Variants in CFAP58 observed in about 807,000 individuals in gnomAD.
The protein encoded by CFAP58 is cilia- and flagella-associated protein 58.
Under a neutral mutation model 119.5 loss-of-function variants are expected in CFAP58, and 88 were observed. That is an observed-to-expected ratio of 0.74 (90% CI 0.62 to 0.88). CFAP58 has a LOEUF of 0.88. CFAP58 is among the 40% of genes least tolerant of loss of function. The probability of loss-of-function intolerance (pLI) is 0.00; values close to 1 mark genes in which losing one functional copy is unlikely to be tolerated. For synonymous variants in CFAP58, 365 were observed against 366.3 expected (o/e 1.00, Z 0.04); for missense variants, 990 against 1,021.2 (o/e 0.97, Z 0.42).
intron 9 of CFAP58, among the ~76,000 whole-genome samples, chr10:104,381,827 T>A (rs1224715245): frequency 2.0e-5 from 3 of 152,042 alleles, no homozygotes; most frequent in African/African-American, 7.2e-5. Flanking sequence ...AGGACAGTGA[T>A]CCCCAATGGA....
chr10:104,352,991 A>G (rs369462513), upstream of CFAP58: 1 of 152,224 alleles, frequency 6.6e-6, no homozygotes, highest in East Asian at 1.9e-4. Flanking sequence ...GCACAGCAGC[A>G]TGAATGCCTA....
chr10:104,439,905 C>T (rs1366784250), intron 15 of CFAP58, among the ~76,000 whole-genome samples: 3 of 152,162 alleles, frequency 2.0e-5, no homozygotes, highest in Non-Finnish European at 2.9e-5. Context: ...CTGCAAGCTC[C>T]GCCTTCCGGG....
At chr10:104,391,493 A>C (rs751794921) in intron 9 of CFAP58, among the ~76,000 whole-genome samples, 2 of 152,130 alleles carry the variant, frequency 1.3e-5, no homozygotes, top group African/African-American at 2.4e-5. Flanking sequence ...TTTTCTTCTT[A>C]AGGACTTTTT....
At chr10:104,413,180 TC>T (rs1265905105) in intron 15 of CFAP58, among the ~76,000 whole-genome samples, 1 of 152,268 alleles carries the variant, frequency 6.6e-6, no homozygotes, top group Non-Finnish European at 1.5e-5. Context: ...TGTTGCACAG[TC>T]ATTTAAGTTC....
the CFAP58 span, among the ~76,000 whole-genome samples, chr10:104,348,288 A>G: frequency 6.6e-6 from 1 of 152,282 alleles, no homozygotes; most frequent in Admixed American, 6.5e-5. Flanking sequence ...CAGGCTAGGA[A>G]TTTACATGTA....
intron 9 of CFAP58, among the ~76,000 whole-genome samples, chr10:104,385,470 G>A (rs1467320237): frequency 6.6e-6 from 1 of 152,122 alleles, no homozygotes; most frequent in African/African-American, 2.4e-5. Flanking sequence ...GAAAAAAAAG[G>A]CAGATTTAAA....
chr10:104,368,275 T>G, intron 5 of CFAP58, 148 bp from the exon 6 acceptor site: 1 of 662,392 alleles, frequency 1.5e-6, no homozygotes, highest in Non-Finnish European at 2.5e-6. Flanking sequence ...CGTTAGTGCT[T>G]TCATCGGGAA....
intron 7 of CFAP58, among the ~76,000 whole-genome samples, chr10:104,372,280 G>T (rs988973889): frequency 1.3e-5 from 2 of 152,154 alleles, no homozygotes; most frequent in Non-Finnish European, 2.9e-5. Context: ...TTGAACCTGG[G>T]AGGTGGAGGT....
rs867810169 is a variant in CFAP58 at position 104,357,983 on chromosome 10, G to A, written c.10-358G>A. Among the ~76,000 whole-genome samples, 182 of 128,128 alleles carry A rather than the reference G, an allele frequency of 1.4e-3. 2 individuals are homozygous for A. Among genetic ancestry groups the A allele is most frequent in the East Asian group, 1.8e-3 (8 of 4,504 alleles). 84.1% of individuals were successfully genotyped at this position (128,128 alleles called of 152,430 possible). The stretch of plus-strand genomic sequence containing the variant: ...CATATATGTACACATATGTACATAT[G>A]TACACATATATGTACACATATATAC... On this transcript the variant is annotated intron_variant, in intron 1 of 17. Coordinates refer to ENST00000369704, the MANE Select transcript of CFAP58 (RefSeq NM_001008723.2).
At chr10:104,379,816 G>A (rs779459449) in intron 8 of CFAP58, among the ~76,000 whole-genome samples, 1 of 152,184 alleles carries the variant, frequency 6.6e-6, no homozygotes, top group Non-Finnish European at 1.5e-5. Context: ...TCTTAGGGGC[G>A]TTGTGGTTGC....
upstream of CFAP58, chr10:104,353,806 G>A: frequency 6.7e-7 from 1 of 1,487,300 alleles, no homozygotes; most frequent in South Asian, 1.2e-5. Flanking sequence ...GATAGAGACA[G>A]CGCGTCGCGC....
At chr10:104,379,953 T>G in intron 8 of CFAP58, 76 bp from the exon 9 acceptor site, 1 of 1,161,014 alleles carries the variant, frequency 8.6e-7, no homozygotes, top group Non-Finnish European at 1.2e-6. Flanking sequence ...ATGTTAGAGA[T>G]GAGGCAGAGG....
intron 10 of CFAP58, 74 bp downstream of exon 10, chr10:104,392,468 A>G: frequency 9.2e-7 from 1 of 1,092,584 alleles, no homozygotes; most frequent in Non-Finnish European, 1.3e-6. Context: ...TGTTATCCTA[A>G]TGGCAGAATT....
intron 7 of CFAP58, among the ~76,000 whole-genome samples, chr10:104,376,085 A>AT (rs2011652989): frequency 6.6e-6 from 1 of 152,112 alleles, no homozygotes; most frequent in African/African-American, 2.4e-5. Context: ...TAGAATGTGG[A>AT]TTTTTCCCAC....
At chr10:104,348,398 T>C in the CFAP58 span, among the ~76,000 whole-genome samples, 3 of 152,236 alleles carry the variant, frequency 2.0e-5, no homozygotes, top group Non-Finnish European at 4.4e-5. Flanking sequence ...CTGTTCTTAT[T>C]ACTGTGTTAC....
chr10:104,342,441 A>C, the CFAP58 span, among the ~76,000 whole-genome samples: 1 of 152,062 alleles, frequency 6.6e-6, no homozygotes, highest in African/African-American at 2.4e-5. Context: ...CCAGTTTTCT[A>C]TTGGCTTGTT....
Position 104,368,549 on chromosome 10 carries a change from T to A in CFAP58, c.919T>A (p.Leu307Met), listed in dbSNP as rs553285531. 6.2e-7 allele frequency: 1 copy of A among 1,613,914 alleles called. No individual in the cohort carries two copies. Among genetic ancestry groups the A allele is most frequent in the East Asian group, 2.2e-5 (1 of 44,874 alleles). ...QLSQENQQKA[L>M]ELKAKEEEVH... ...ATCCCAGGAAAACCAACAGAAGGCG[T>A]TGGAGCTCAAAGTAAACACCAAGTT... Residue 307 changes from leucine (L) to methionine (M), a missense_variant, in exon 6 of 18, where the codon TTG becomes ATG. Transcript: ENST00000369704.
chr10:104,402,815 A>G (rs1228578181), intron 13 of CFAP58, among the ~76,000 whole-genome samples: 1 of 152,142 alleles, frequency 6.6e-6, no homozygotes, highest in African/African-American at 2.4e-5. Flanking sequence ...CCCATGCTAG[A>G]CTATTAAACA....
At chr10:104,375,974 A>G (rs906419201) in intron 7 of CFAP58, among the ~76,000 whole-genome samples, 1 of 152,038 alleles carries the variant, frequency 6.6e-6, no homozygotes, top group Non-Finnish European at 1.5e-5. Context: ...CAGGTTATAA[A>G]ATGTTTCTTA....
Sources: gnomAD v4.1 joint callset for allele counts (sites outside exome capture counted in the v4.1 genomes callset) on GRCh38, gnomAD v4.1.1 for gene constraint, MANE v1.5 for transcripts, NCBI Gene and HGNC (gene_info 2026-07-23, HGNC 2026-07-21) for gene names.